The following USP25 variants were observed in gnomAD, a reference collection of about 807,000 sequenced individuals.
USP25 encodes ubiquitin carboxyl-terminal hydrolase 25.
A neutral mutation model predicts 158.5 loss-of-function variants in USP25; 85 were observed. That is an observed-to-expected ratio of 0.54 (90% CI 0.45 to 0.64). The LOEUF is 0.64. Ranked by LOEUF, USP25 falls within the 30% of genes least tolerant of loss-of-function variation. The probability of loss-of-function intolerance (pLI) is 0.00; values close to 1 mark genes in which losing one functional copy is unlikely to be tolerated. For missense variants in USP25, 1,242 were observed against 1,327.3 expected (o/e 0.94, Z 1.00); for synonymous variants, 464 against 460.4 (o/e 1.01, Z -0.10).
chr21:15,826,107 T>C lies in USP25; in HGVS notation c.1305-97T>C. 2.4e-6 allele frequency: 3 copies of C among 1,273,364 alleles called. No individual in the cohort carries two copies. Among genetic ancestry groups the C allele is most frequent in the Middle Eastern group, 2.1e-4 (1 of 4,818 alleles). 78.9% of individuals were successfully genotyped at this position (1,273,364 alleles called of 1,614,324 possible). A position where few individuals can be genotyped will look rare whatever the true frequency, so the allele number is the denominator to read the frequency against. On this transcript the variant is annotated intron_variant, in intron 12 of 25. Transcript: ENST00000400183. This position sits in a 1 kb window ranked among gnomAD's most constrained non-coding sequence, Gnocchi z 4.8. ...CAAATGAATTTTATTGCTGAGGAAG[T>C]TTTATTGAAGTATCGTATCACGTTT...
In USP25 at chr21:15,836,702, C is replaced by T. The variant is rs554684821; in HGVS notation, c.2194+3154C>T. Among the ~76,000 whole-genome samples the T allele has an allele frequency of 6.5e-3, 870 of 133,392 alleles. 2 individuals carry two copies. Among genetic ancestry groups the T allele is most frequent in the Middle Eastern group, 0.012 (3 of 260 alleles). 87.5% of individuals were successfully genotyped at this position (133,392 alleles called of 152,430 possible). ...GGATCAGAATGAGTAGGGGAGCAAACTTACCTGAATACTGTTGTTGAGATT... is the reference window on the plus strand; with the variant it reads ...GGATCAGAATGAGTAGGGGAGCAAATTTACCTGAATACTGTTGTTGAGATT... On this transcript the variant is annotated intron_variant, in intron 17 of 25. Transcript: ENST00000400183.
chr21:15,738,450 T>C (rs763596758), intron 1 of USP25, among the ~76,000 whole-genome samples: 4 of 152,216 alleles, frequency 2.6e-5, no homozygotes, highest in Non-Finnish European at 4.4e-5. Context: ...TTAATATCTC[T>C]TGTATGGTTT....
intron 5 of USP25, among the ~76,000 whole-genome samples, chr21:15,794,801 T>G (rs1600935798): frequency 6.6e-6 from 1 of 151,580 alleles, no homozygotes; most frequent in African/African-American, 2.4e-5. Flanking sequence ...ACATTTAGGG[T>G]ACTCTATATT....
chr21:15,775,265 C>T (rs75662417), intron 3 of USP25, among the ~76,000 whole-genome samples: 3 of 152,088 alleles, frequency 2.0e-5, no homozygotes, highest in Non-Finnish European at 4.4e-5. Flanking sequence ...AAATTAGTTT[C>T]GGCTATAGCC....
intron 20 of USP25, among the ~76,000 whole-genome samples, chr21:15,857,855 A>C (rs975259736): frequency 3.3e-5 from 5 of 152,092 alleles, no homozygotes; most frequent in Non-Finnish European, 7.4e-5. Context: ...AGAAGATTTT[A>C]GTTTTCTCTG....
intron 1 of USP25, among the ~76,000 whole-genome samples, chr21:15,747,805 A>G (rs2032682187): frequency 6.6e-6 from 1 of 152,200 alleles, no homozygotes; most frequent in South Asian, 2.1e-4. Flanking sequence ...GGAACTTTTC[A>G]TATTTTTGGA....
chr21:15,778,332 A>G (rs557549060), intron 4 of USP25, among the ~76,000 whole-genome samples: 15 of 152,074 alleles, frequency 9.9e-5, no homozygotes, highest in Admixed American at 2.6e-4. Flanking sequence ...ATTTGCAACA[A>G]TTTATAGCAA....
intron 23 of USP25, among the ~76,000 whole-genome samples, chr21:15,870,821 GA>G (rs1160375065): frequency 6.6e-6 from 1 of 151,996 alleles, no homozygotes; most frequent in African/African-American, 2.4e-5. Context: ...TTTGTTTTAT[GA>G]AATTTAAGAA....
chr21:15,872,151 A>T (rs1208684626), intron 23 of USP25, among the ~76,000 whole-genome samples: 1 of 151,568 alleles, frequency 6.6e-6, no homozygotes, highest in African/African-American at 2.4e-5. Flanking sequence ...AAAGGCTTGA[A>T]TGAAATACTG....
rs755688855 is a variant in USP25 at position 15,818,753 on chromosome 21, GT to G, written c.989del (p.Phe330SerfsTer8). On this transcript the variant is annotated frameshift_variant, in exon 10 of 26. Coordinates refer to ENST00000400183, the MANE Select transcript of USP25 (RefSeq NM_001283041.3). LOFTEE classifies it high-confidence loss of function. ...GTCAGTACCCACTTCAGGTCAATGG[GT>G]TCAAAGATCTGCATGAGTGCCTAGA... Reference protein sequence around the residue: ...FGQYPLQVNGFKDLHECLEAA... With the variant: ...FGQYPLQVNGXKDLHECLEAA... 1 of 1,613,776 alleles carries G rather than the reference GT, an allele frequency of 6.2e-7. No individual in the cohort carries two copies. Among genetic ancestry groups the G allele is most frequent in the South Asian group, 1.1e-5 (1 of 91,050 alleles).
At chr21:15,752,020 C>T (rs538264047) in intron 1 of USP25, among the ~76,000 whole-genome samples, 4 of 152,288 alleles carry the variant, frequency 2.6e-5, no homozygotes, top group Non-Finnish European at 4.4e-5. Flanking sequence ...CTGCAACCTC[C>T]GCCTTCTGGG....
rs1187700643 is a variant in USP25, at chr21:15,787,132, C to T, written c.393-4370C>T. On this transcript the variant is annotated intron_variant, in intron 4 of 25. Coordinates refer to ENST00000400183, the MANE Select transcript of USP25 (RefSeq NM_001283041.3). ...AAGACACAAACAAATGGAAGTAGAT[C>T]GTATGTTCATGGATTAGAAGAATTA... is the stretch of plus-strand genomic sequence containing the variant. 3.9e-5 allele frequency among the ~76,000 whole-genome samples: 6 copies of T among 151,978 alleles called. No homozygotes were observed. In the East Asian group the frequency reaches 9.6e-4, roughly 24 times the overall value.
At position 15,820,278 on chromosome 21, in the gene USP25, T is replaced by A. The variant is rs147749531; in HGVS notation, c.1080+1432T>A. Among the ~76,000 whole-genome samples, 116 of 152,120 alleles carry A rather than the reference T, an allele frequency of 7.6e-4. 1 individual carries two copies. The East Asian group carries it at 0.016, about 21-fold the overall frequency. On this transcript the variant is annotated intron_variant, in intron 10 of 25. Coordinates refer to ENST00000400183, the MANE Select transcript of USP25 (RefSeq NM_001283041.3). The stretch of plus-strand genomic sequence containing the variant: ...TCAGAGTAGCTGAAATACACTATGG[T>A]TTATTGGTAATCTTTCTCACATATT...
In USP25 at chr21:15,818,761, A is replaced by G; in HGVS notation, c.995A>G (p.Asp332Gly). Reference protein sequence around the residue: ...QYPLQVNGFKDLHECLEAAMI... With the variant: ...QYPLQVNGFKGLHECLEAAMI... The stretch of plus-strand genomic sequence containing the variant: ...CCACTTCAGGTCAATGGGTTCAAAG[A>G]TCTGCATGAGTGCCTAGAAGCTGCA... Residue 332 changes from aspartate to glycine, a missense_variant, in exon 10 of 26, where the codon GAT becomes GGT. Transcript: ENST00000400183. 6.2e-7 allele frequency: 1 copy of G among 1,613,964 alleles called. No homozygotes were observed. The highest frequency in any genetic ancestry group is 8.5e-7 in the Non-Finnish European group (1 of 1,179,860).
At position 15,847,770 on chromosome 21, in the gene USP25, T is replaced by G; in HGVS notation, c.2445T>G (p.Asp815Glu). Reference sequence around the variant, plus strand: ...TTGAATCAAAGGAGGGGGGGTATGATGACGAGGTACCTTTTACAGCCCTCT... The same window carrying G: ...TTGAATCAAAGGAGGGGGGGTATGAGGACGAGGTACCTTTTACAGCCCTCT... ...FMIESKEGGY[D>E]DEIMMTPNMQ... Residue 815 changes from aspartate (D) to glutamate (E), a missense_variant, in exon 19 of 26, where the codon GAT becomes GAG. Coordinates refer to ENST00000400183, the MANE Select transcript of USP25 (RefSeq NM_001283041.3). 1 of 1,547,196 alleles carries G rather than the reference T, an allele frequency of 6.5e-7. No individual in the cohort carries two copies. Among genetic ancestry groups the G allele is most frequent in the Non-Finnish European group, 8.7e-7 (1 of 1,143,968 alleles).
intron 4 of USP25, among the ~76,000 whole-genome samples, chr21:15,787,926 G>A (rs764859794): frequency 6.2e-5 from 6 of 96,036 alleles, no homozygotes; most frequent in East Asian, 6.1e-4. Context: ...TAAAACCACC[G>A]TGTAATAAAA....
rs2035593613 is a variant in USP25 at position 15,791,579 on chromosome 21, A to G, written c.470A>G (p.Asn157Ser). The G allele has an allele frequency of 6.2e-7, 1 of 1,611,706 alleles. No homozygotes were observed. Among genetic ancestry groups the G allele is most frequent in the Non-Finnish European group, 8.5e-7 (1 of 1,178,524 alleles). ...ACAGAAGTTTGGAGGGATTCTCGAA[A>G]CCCTTATGATAGAAAAAGACAGGAC... ...TPTEVWRDSRNPYDRKRQDKA... is the reference protein window; with the variant it reads ...TPTEVWRDSRSPYDRKRQDKA... The change falls in exon 5 of 26, where the codon AAC becomes AGC. Residue 157 changes from asparagine to serine, a missense_variant. Around this residue, in one of 3 missense-constraint regions of USP25, gnomAD observed 627 missense variants for 701.4 expected, o/e 0.89. Transcript: ENST00000400183.
At chr21:15,857,978 TTATACTTAATGA>T (rs144885538) in intron 20 of USP25, among the ~76,000 whole-genome samples, 19,344 of 151,946 alleles carry the variant, frequency 0.13, 1,235 homozygotes, top group East Asian at 0.17. Context: ...TATCAGGGAT[TTATACTTAATGA>T]TATACTAAAT....
chr21:15,816,825 G>A lies in USP25; in HGVS notation c.932-1873G>A, dbSNP rs2036960819. 6.6e-6 allele frequency among the ~76,000 whole-genome samples: 1 copy of A among 152,010 alleles called. No individual in the cohort carries two copies. Among genetic ancestry groups the A allele is most frequent in the African/African-American group, 2.4e-5 (1 of 41,354 alleles). The stretch of plus-strand genomic sequence containing the variant: ...AAAAAAATCCTGTGTTCTTACTTAA[G>A]TGGTGCCATTTTCAGTCCATAATCT... On this transcript the variant is annotated intron_variant, in intron 9 of 25. Transcript: ENST00000400183. This position sits in a 1 kb window ranked among gnomAD's most constrained non-coding sequence, Gnocchi z 4.0.
Sources: gnomAD v4.1 joint callset for allele counts (sites outside exome capture counted in the v4.1 genomes callset) on GRCh38, gnomAD v4.1.1 for gene constraint, gnomAD v4.1.1 regional missense constraint, Gnocchi (gnomAD v3.1) non-coding constraint, MANE v1.5 for transcripts, NCBI Gene and HGNC (gene_info 2026-07-23, HGNC 2026-07-21) for gene names.